PECR: variants seen among roughly 807,000 people sequenced by gnomAD.
PECR encodes the protein peroxisomal trans-2-enoyl-CoA reductase, also known as 2,4-dienoyl-CoA reductase-related protein.
In PECR, 30 loss-of-function variants were observed where a neutral mutation model predicts 35.3. The observed-to-expected ratio is 0.85, with a 90% CI of 0.64 to 1.15. PECR has a LOEUF of 1.15. Among genes scored for constraint, PECR ranks in the 50% most tolerant of loss-of-function variants. The pLI, the probability that PECR is intolerant of heterozygous loss-of-function variation, is 0.00. For missense variants in PECR, 392 were observed against 370.8 expected (o/e 1.06, Z -0.47); for synonymous variants, 148 against 138.9 (o/e 1.07, Z -0.46).
intron 7 of PECR, among the ~76,000 whole-genome samples, chr2:216,029,409 T>C (rs1260737534): frequency 6.6e-6 from 1 of 152,016 alleles, no homozygotes; most frequent in Non-Finnish European, 1.5e-5. Context: ...ACCTGGGAGG[T>C]AGAGGTTGCA....
At chr2:216,045,768 C>T (rs992479025) in intron 6 of PECR, among the ~76,000 whole-genome samples, 3 of 152,196 alleles carry the variant, frequency 2.0e-5, no homozygotes, top group African/African-American at 7.2e-5. Flanking sequence ...TTAAAGTCAG[C>T]GCATCAAAAA....
chr2:216,058,120 C>G (rs1056559435), intron 4 of PECR, among the ~76,000 whole-genome samples: 1 of 152,092 alleles, frequency 6.6e-6, no homozygotes, highest in Non-Finnish European at 1.5e-5. Context: ...TACCAGGATC[C>G]CCTCCAGGGC....
At chr2:216,053,035 G>C (rs1455205927) in intron 4 of PECR, among the ~76,000 whole-genome samples, 2 of 151,816 alleles carry the variant, frequency 1.3e-5, no homozygotes, top group African/African-American at 4.8e-5. Context: ...TGTATTTTTA[G>C]TAGAGATGGG....
chr2:216,040,626 T>C (rs1375923439), intron 7 of PECR, among the ~76,000 whole-genome samples: 4 of 152,042 alleles, frequency 2.6e-5, no homozygotes, highest in Admixed American at 6.6e-5. Flanking sequence ...CCCAGCACTT[T>C]GGGAGGCCGA....
chr2:216,076,881 C>A (rs1447235745), intron 1 of PECR, among the ~76,000 whole-genome samples: 3 of 151,786 alleles, frequency 2.0e-5, no homozygotes, highest in African/African-American at 7.3e-5. Flanking sequence ...GAATTCTAAA[C>A]CTAACAGCAT....
chr2:216,072,968 T>C (rs915161245), intron 1 of PECR, among the ~76,000 whole-genome samples: 4 of 152,262 alleles, frequency 2.6e-5, no homozygotes, highest in East Asian at 1.9e-4. Context: ...TTGTACAAAA[T>C]AAGACAATTT....
At chr2:216,032,486 G>C (rs1395659140) in intron 7 of PECR, among the ~76,000 whole-genome samples, 2 of 152,198 alleles carry the variant, frequency 1.3e-5, no homozygotes, top group African/African-American at 4.8e-5. Context: ...TGACTAACTG[G>C]TAATGCTAAC....
chr2:216,065,876 G>A (rs530812553), intron 2 of PECR, among the ~76,000 whole-genome samples: 1 of 152,238 alleles, frequency 6.6e-6, no homozygotes, highest in African/African-American at 2.4e-5. Flanking sequence ...TGTAATCCTA[G>A]CACTTCGGGA....
chr2:216,069,626 C>CA (rs1323715786), intron 1 of PECR, among the ~76,000 whole-genome samples: 4 of 151,944 alleles, frequency 2.6e-5, no homozygotes, highest in African/African-American at 9.7e-5. Flanking sequence ...GTGATGCCCA[C>CA]AAAAAACTTC....
intron 1 of PECR, among the ~76,000 whole-genome samples, chr2:216,078,633 G>A (rs948194259): frequency 1.3e-5 from 2 of 150,954 alleles, no homozygotes; most frequent in Admixed American, 1.3e-4. Context: ...TTTCACTGAA[G>A]GAAATCCATT....
chr2:216,065,247 C>G, intron 3 of PECR, 65 bp downstream of exon 3: 1 of 1,079,798 alleles, frequency 9.3e-7, no homozygotes, highest in Non-Finnish European at 1.4e-6. Flanking sequence ...CTTCTGAGTC[C>G]CTAATAGGAA....
intron 6 of PECR, among the ~76,000 whole-genome samples, chr2:216,048,959 T>C (rs1376043645): frequency 6.6e-6 from 1 of 151,810 alleles, no homozygotes. Flanking sequence ...AGTTGTCTAA[T>C]TTGCTTAGGG....
intron 5 of PECR, among the ~76,000 whole-genome samples, chr2:216,050,427 T>TA (rs1457782277): frequency 6.6e-6 from 1 of 152,206 alleles, no homozygotes; most frequent in African/African-American, 2.4e-5. Context: ...TTAAAGAGGA[T>TA]AAAATCTAGA....
chr2:216,043,781 T>C, intron 7 of PECR, 123 bp downstream of exon 7: 1 of 672,796 alleles, frequency 1.5e-6, no homozygotes, highest in Admixed American at 2.2e-5. Context: ...ATAAACATTT[T>C]GTACATTTTG....
chr2:216,065,316 T>C lies in PECR; in HGVS notation c.420A>G (p.Lys140=). 1.2e-6 allele frequency: 2 copies of C among 1,607,468 alleles called. No homozygotes were observed. Among genetic ancestry groups the C allele is most frequent in the East Asian group, 4.5e-5 (2 of 44,858 alleles). The change falls in exon 3 of 8, where the codon AAA becomes AAG. Residue 140 remains lysine (K), a synonymous_variant. Transcript: ENST00000265322. ...TNLTGTFYMC[K]AVYSSWMKEH... The stretch of plus-strand genomic sequence containing the variant: ...GTGGATACTGATGGTACTTGCCTGC[T>C]TTGCACATGTAGAAGGTACCCGTCA...
At chr2:216,079,931 A>C (rs1215399390) in intron 1 of PECR, among the ~76,000 whole-genome samples, 1 of 146,576 alleles carries the variant, frequency 6.8e-6, no homozygotes, top group Non-Finnish European at 1.5e-5. Flanking sequence ...CAGTGAGCCA[A>C]GATGGCGCCA....
downstream of PECR, among the ~76,000 whole-genome samples, chr2:216,034,428 G>A (rs969006424): frequency 6.6e-6 from 1 of 152,172 alleles, no homozygotes; most frequent in Non-Finnish European, 1.5e-5. Flanking sequence ...TGGGACAAGG[G>A]TGGTTCCCAT....
In PECR at chr2:216,081,791, A is replaced by G. The variant is rs745588559; in HGVS notation, c.-50T>C. 2.5e-6 allele frequency: 4 copies of G among 1,601,972 alleles called. No homozygotes were observed. The highest frequency in any genetic ancestry group is 1.3e-5 in the African/African-American group (1 of 74,832). ...CTGAGCGCAGGCCCTTCTGGGTCTC[A>G]GGGACATTCGAGGCGGGCGGGCGGA... is the stretch of plus-strand genomic sequence containing the variant. On this transcript the variant is annotated 5_prime_UTR_variant, in exon 1 of 8. Transcript: ENST00000265322.
At chr2:216,048,194 C>A (rs1364661163) in intron 6 of PECR, among the ~76,000 whole-genome samples, 1 of 151,922 alleles carries the variant, frequency 6.6e-6, no homozygotes, top group Non-Finnish European at 1.5e-5. Flanking sequence ...CCTGCCTCAG[C>A]CTCCCCAGTA....
Sources: gnomAD v4.1 joint callset for allele counts (sites outside exome capture counted in the v4.1 genomes callset) on GRCh38, gnomAD v4.1.1 for gene constraint, MANE v1.5 for transcripts, NCBI Gene and HGNC (gene_info 2026-07-23, HGNC 2026-07-21) for gene names.